Variants in WDSUB1 observed in about 807,000 individuals in gnomAD.
WDSUB1 encodes the protein WD repeat, SAM and U-box domain-containing protein 1.
In WDSUB1, 49 loss-of-function variants were observed where a neutral mutation model predicts 53.9. The ratio of observed to expected loss-of-function variants is 0.91; its 90% CI spans 0.72 to 1.15. WDSUB1 has a LOEUF of 1.15. Among genes scored for constraint, WDSUB1 ranks in the 50% most tolerant of loss-of-function variants. The pLI, the probability that WDSUB1 is intolerant of heterozygous loss-of-function variation, is 0.00. For missense variants in WDSUB1, 514 were observed against 562.0 expected (o/e 0.91, Z 0.86); for synonymous variants, 194 against 200.6 (o/e 0.97, Z 0.28).
At chr2:159,247,054 G>C (rs575273469) in intron 10 of WDSUB1, among the ~76,000 whole-genome samples, 2 of 152,018 alleles carry the variant, frequency 1.3e-5, no homozygotes, top group South Asian at 4.1e-4. Flanking sequence ...TACACTCTTT[G>C]CTGCCAGGTT....
chr2:159,255,508 G>A (rs1374143528), intron 9 of WDSUB1, among the ~76,000 whole-genome samples: 1 of 150,720 alleles, frequency 6.6e-6, no homozygotes, highest in East Asian at 2.0e-4. Context: ...ATTAAATAAA[G>A]AAAAGTGACT....
Position 159,248,417 on chromosome 2 carries a change from A to G in WDSUB1, c.1228T>C (p.Cys410Arg). 1.2e-5 allele frequency: 20 copies of G among 1,610,984 alleles called. No individual in the cohort carries two copies. Among genetic ancestry groups the G allele is most frequent in the Non-Finnish European group, 1.4e-5 (16 of 1,178,974 alleles). The change falls in exon 10 of 11, where the codon TGT becomes CGT. Residue 410 changes from cysteine (C) to arginine (R), a missense_variant. By Grantham distance (180) the Cys-to-Arg change is radical. Coordinates refer to ENST00000359774, the MANE Select transcript of WDSUB1 (RefSeq NM_001128212.3). ...TTCATAAGTTCTCTAGTTATTGGAC[A>G]TATAAATTCATCAGGAATTCCTGAA... ...LSSGIPDEFI[C>R]PITRELMKDP...
intron 4 of WDSUB1, among the ~76,000 whole-genome samples, chr2:159,273,751 A>T (rs2061487421): frequency 6.6e-6 from 1 of 152,192 alleles, no homozygotes; most frequent in South Asian, 2.1e-4. Flanking sequence ...ACGTTTATAA[A>T]CTGTCATGTA....
At chr2:159,271,835 T>G in intron 4 of WDSUB1, 40 bp from the exon 5 acceptor site, 1 of 1,514,488 alleles carries the variant, frequency 6.6e-7, no homozygotes, top group South Asian at 1.2e-5. Context: ...AAGCTGACCA[T>G]GCTTAGAATT....
Position 159,244,496 on chromosome 2 carries a change from T to C in WDSUB1, c.1273+3876A>G, listed in dbSNP as rs575814673. On this transcript the variant is annotated intron_variant, in intron 10 of 10. Transcript: ENST00000359774. ...TTGAAAGGGGACAGGATGTGTGGTG[T>C]GTAGAGAGCATCCACAGACTTTTGT... Among the ~76,000 whole-genome samples the C allele has an allele frequency of 5.9e-5, 9 of 152,296 alleles. No homozygotes were observed. The South Asian group carries it at 1.9e-3, about 32-fold the overall frequency.
intron 3 of WDSUB1, among the ~76,000 whole-genome samples, chr2:159,277,810 A>G (rs1575492660): frequency 1.3e-5 from 2 of 152,190 alleles, no homozygotes; most frequent in South Asian, 4.1e-4. Flanking sequence ...GTTTCAGAGA[A>G]TTTACTCATA....
chr2:159,259,155 C>G (rs975233488), intron 6 of WDSUB1, among the ~76,000 whole-genome samples: 1 of 152,162 alleles, frequency 6.6e-6, no homozygotes, highest in Non-Finnish European at 1.5e-5. Context: ...TCCCAAGTAG[C>G]TGGGACTACA....
intron 1 of WDSUB1, among the ~76,000 whole-genome samples, chr2:159,285,353 T>C (rs139004662): frequency 2.8e-3 from 425 of 152,284 alleles, no homozygotes; most frequent in African/African-American, 9.7e-3. Flanking sequence ...AGGTATAACC[T>C]TGACTTGTAA....
intron 8 of WDSUB1, 81 bp downstream of exon 8, chr2:159,257,677 G>T: frequency 7.9e-7 from 1 of 1,259,772 alleles, no homozygotes; most frequent in Non-Finnish European, 1.1e-6. Flanking sequence ...TGTGAGCCGC[G>T]GTGCCCAGCC....
At chr2:159,265,084 CAAAA>C (rs1164740308) in intron 5 of WDSUB1, among the ~76,000 whole-genome samples, 1 of 94,868 alleles carries the variant, frequency 1.1e-5, no homozygotes, top group Non-Finnish European at 2.1e-5. Flanking sequence ...AACTCCATCT[CAAAA>C]AAAAAAAAAA....
intron 2 of WDSUB1, among the ~76,000 whole-genome samples, chr2:159,280,163 A>G (rs1168278063): frequency 6.6e-6 from 1 of 152,196 alleles, no homozygotes; most frequent in African/African-American, 2.4e-5. Context: ...ATCCTCCCTT[A>G]AACATTTTAA....
At chr2:159,268,220 G>A (rs142070176) in intron 5 of WDSUB1, among the ~76,000 whole-genome samples, 1 of 152,172 alleles carries the variant, frequency 6.6e-6, no homozygotes, top group Admixed American at 6.5e-5. Flanking sequence ...GAAAAGAGGG[G>A]ATTTAAAATG....
intron 10 of WDSUB1, among the ~76,000 whole-genome samples, chr2:159,242,816 A>ATTACT (rs1320108807): frequency 2.0e-5 from 3 of 148,188 alleles, no homozygotes; most frequent in Non-Finnish European, 4.4e-5. Context: ...CTAAGCCCGT[A>ATTACT]TTACTTTCAT....
intron 10 of WDSUB1, among the ~76,000 whole-genome samples, chr2:159,237,033 TG>T (rs1414732752): frequency 6.6e-6 from 1 of 152,250 alleles, no homozygotes; most frequent in African/African-American, 2.4e-5. Flanking sequence ...TTTCTCAAGC[TG>T]AAAATCTTGG....
At chr2:159,238,789 A>T (rs1159195032) in intron 10 of WDSUB1, among the ~76,000 whole-genome samples, 1 of 148,628 alleles carries the variant, frequency 6.7e-6, no homozygotes, top group Non-Finnish European at 1.5e-5. Context: ...CTTGTTTATT[A>T]GGTTCCACGT....
chr2:159,249,175 AAT>A (rs1267114461), intron 9 of WDSUB1, among the ~76,000 whole-genome samples: 2 of 152,218 alleles, frequency 1.3e-5, no homozygotes, highest in African/African-American at 4.8e-5. Flanking sequence ...ATCATTTTTA[AAT>A]ATGTTTGAGT....
At chr2:159,268,021 C>T (rs763255675) in intron 5 of WDSUB1, among the ~76,000 whole-genome samples, 1 of 152,208 alleles carries the variant, frequency 6.6e-6, no homozygotes, top group Non-Finnish European at 1.5e-5. Flanking sequence ...GGGAAAGACA[C>T]ATTTCCATAA....
At chr2:159,273,743 G>A (rs73004979) in intron 4 of WDSUB1, among the ~76,000 whole-genome samples, 1,964 of 152,224 alleles carry the variant, frequency 0.013, 42 homozygotes, top group African/African-American at 0.044. Context: ...TTAACTGCAC[G>A]TTTATAAACT....
At chr2:159,242,288 A>T (rs2060675225) in intron 10 of WDSUB1, among the ~76,000 whole-genome samples, 2 of 145,330 alleles carry the variant, frequency 1.4e-5, no homozygotes, top group African/African-American at 2.7e-5. Flanking sequence ...CGCTCTCCTG[A>T]CCTCATGATC....
Sources: gnomAD v4.1 joint callset for allele counts (sites outside exome capture counted in the v4.1 genomes callset) on GRCh38, gnomAD v4.1.1 for gene constraint, MANE v1.5 for transcripts, NCBI Gene and HGNC (gene_info 2026-07-23, HGNC 2026-07-21) for gene names.